IMMP2L: variants seen among roughly 807,000 people sequenced by gnomAD.
IMMP2L encodes inner mitochondrial membrane peptidase subunit 2, also known as mitochondrial inner membrane protease subunit 2.
A neutral mutation model predicts 19.3 loss-of-function variants in IMMP2L; 18 were observed. The observed-to-expected ratio is 0.93, with a 90% confidence interval of 0.64 to 1.38. The LOEUF (loss-of-function observed/expected upper bound fraction) is 1.38. Among genes scored for constraint, IMMP2L ranks in the 40% most tolerant of loss-of-function variants. The pLI, the probability that IMMP2L is intolerant of heterozygous loss-of-function variation, is 0.00. For missense variants in IMMP2L, 233 were observed against 218.2 expected (o/e 1.07, Z -0.43); for synonymous variants, 76 against 73.0 (o/e 1.04, Z -0.21).
At position 111,336,857 on chromosome 7, in the gene IMMP2L, T is replaced by G. The variant is rs184520420; in HGVS notation, c.239+150381A>C. The stretch of plus-strand genomic sequence containing the variant: ...AGTAGACTTTTTTTTTTTTTTAGAA[T>G]TTTGGTACTCAGTCTTATTTATACT... On this transcript the variant is annotated intron_variant, in intron 3 of 5. Coordinates refer to ENST00000405709, the MANE Select transcript of IMMP2L (RefSeq NM_032549.4). Among the ~76,000 whole-genome samples the G allele has an allele frequency of 3.6e-3, 554 of 151,820 alleles. 8 individuals carry two copies. The highest frequency in any genetic ancestry group is 0.012 in the African/African-American group (501 of 41,480).
chr7:111,192,329 A>G (rs764919277), intron 3 of IMMP2L, among the ~76,000 whole-genome samples: 1 of 152,094 alleles, frequency 6.6e-6, no homozygotes, highest in Non-Finnish European at 1.5e-5. Context: ...GAACTCCAAT[A>G]AAGTCATTTG....
chr7:110,769,177 G>T (rs937452005), intron 5 of IMMP2L, among the ~76,000 whole-genome samples: 2 of 152,126 alleles, frequency 1.3e-5, no homozygotes, highest in African/African-American at 2.4e-5. Context: ...GAATGCTAGT[G>T]CTCTTTCCTT....
intron 5 of IMMP2L, among the ~76,000 whole-genome samples, chr7:110,725,089 A>G (rs1049055333): frequency 5.3e-5 from 8 of 152,210 alleles, no homozygotes; most frequent in African/African-American, 1.2e-4. Context: ...ATAACTAGTC[A>G]TGGTATCCTC....
intron 5 of IMMP2L, among the ~76,000 whole-genome samples, chr7:110,749,279 G>T (rs536395154): frequency 6.6e-6 from 1 of 152,172 alleles, no homozygotes; most frequent in East Asian, 1.9e-4. Context: ...AAATAGGAAC[G>T]TTTTTACACT....
chr7:111,248,671 G>C (rs1207424378), intron 3 of IMMP2L, among the ~76,000 whole-genome samples: 1 of 768 alleles, frequency 1.3e-3, no homozygotes, highest in African/African-American at 0.025. Flanking sequence ...TTTGGTCTTT[G>C]ATGATGGTGA....
intron 1 of IMMP2L, among the ~76,000 whole-genome samples, chr7:111,533,526 A>G (rs2132834377): frequency 6.6e-6 from 1 of 152,264 alleles, no homozygotes; most frequent in South Asian, 2.1e-4. Flanking sequence ...AATGACTAAT[A>G]CAATACAAAA....
chr7:111,177,978 A>AAAATATCAAAT (rs1434455582), intron 3 of IMMP2L, among the ~76,000 whole-genome samples: 2 of 152,084 alleles, frequency 1.3e-5, no homozygotes, highest in African/African-American at 4.8e-5. Flanking sequence ...TTGAAAAAAG[A>AAAATATCAAAT]AAATATCAAA....
intron 3 of IMMP2L, among the ~76,000 whole-genome samples, chr7:111,240,756 C>A (rs566303110): frequency 6.6e-6 from 1 of 151,972 alleles, no homozygotes; most frequent in Non-Finnish European, 1.5e-5. Context: ...TGCCCAATTA[C>A]CTTTGCTAAA....
At chr7:111,318,560 G>T (rs1824351384) in intron 3 of IMMP2L, among the ~76,000 whole-genome samples, 1 of 151,988 alleles carries the variant, frequency 6.6e-6, no homozygotes, top group Non-Finnish European at 1.5e-5. Flanking sequence ...CTAGACAAAA[G>T]TAATTAATTC....
intron 3 of IMMP2L, among the ~76,000 whole-genome samples, chr7:111,184,881 A>G (rs1808098589): frequency 6.6e-6 from 1 of 152,296 alleles, no homozygotes; most frequent in African/African-American, 2.4e-5. Context: ...ACTGCACAAC[A>G]GTATTTGTAT....
At chr7:111,365,582 A>G (rs1304306950) in intron 3 of IMMP2L, among the ~76,000 whole-genome samples, 1 of 152,140 alleles carries the variant, frequency 6.6e-6, no homozygotes, top group African/African-American at 2.4e-5. Context: ...GAAACTCAAT[A>G]CATAACCAAA....
intron 1 of IMMP2L, among the ~76,000 whole-genome samples, chr7:111,526,685 A>T (rs1846894320): frequency 6.6e-6 from 1 of 152,176 alleles, no homozygotes; most frequent in African/African-American, 2.4e-5. Context: ...AATGTTGTTT[A>T]TGTAGCCAGT....
intron 5 of IMMP2L, among the ~76,000 whole-genome samples, chr7:110,762,610 T>C (rs1292662417): frequency 6.6e-6 from 1 of 152,118 alleles, no homozygotes; most frequent in Non-Finnish European, 1.5e-5. Context: ...CCAAATATTA[T>C]TTTTTCTTTA....
intron 3 of IMMP2L, among the ~76,000 whole-genome samples, chr7:111,417,073 AG>A (rs1220536232): frequency 2.0e-5 from 3 of 151,804 alleles, no homozygotes; most frequent in African/African-American, 7.3e-5. Context: ...CTACCATATT[AG>A]GTAGCACAGA....
intron 3 of IMMP2L, among the ~76,000 whole-genome samples, chr7:111,276,204 C>T (rs993621268): frequency 6.6e-6 from 1 of 152,094 alleles, no homozygotes; most frequent in Non-Finnish European, 1.5e-5. Context: ...TTGAGACGAT[C>T]ATATGGTTTT....
intron 3 of IMMP2L, among the ~76,000 whole-genome samples, chr7:111,400,451 C>T (rs1020456824): frequency 6.6e-6 from 1 of 152,078 alleles, no homozygotes; most frequent in Non-Finnish European, 1.5e-5. Flanking sequence ...TTTACACACC[C>T]TGCTGCTACA....
chr7:111,071,725 G>A (rs1042046231), intron 3 of IMMP2L, among the ~76,000 whole-genome samples: 1 of 151,882 alleles, frequency 6.6e-6, no homozygotes, highest in African/African-American at 2.4e-5. Context: ...AAGAGCAAGG[G>A]GAAAGGGAGA....
intron 3 of IMMP2L, among the ~76,000 whole-genome samples, chr7:111,314,227 A>G (rs1183270327): frequency 1.3e-5 from 2 of 152,116 alleles, no homozygotes; most frequent in African/African-American, 2.4e-5. Context: ...GGGAAAAACT[A>G]GGGCTTCTAA....
intron 1 of IMMP2L, among the ~76,000 whole-genome samples, chr7:111,559,432 T>C (rs1204236572): frequency 6.6e-6 from 1 of 152,190 alleles, no homozygotes; most frequent in Non-Finnish European, 1.5e-5. Context: ...TTTCTCACTT[T>C]AAGAATAGTG....
Sources: allele counts gnomAD v4.1 joint callset (sites outside exome capture counted in the v4.1 genomes callset), GRCh38; gene constraint gnomAD v4.1.1; transcripts MANE v1.5; gene names NCBI Gene and HGNC (gene_info 2026-07-23, HGNC 2026-07-21).